EPN1: variants seen among roughly 807,000 people sequenced by gnomAD.
EPN1 encodes the protein epsin-1.
A neutral mutation model predicts 56.9 loss-of-function variants in EPN1; 25 were observed. The observed-to-expected ratio is 0.44, with a 90% confidence interval of 0.32 to 0.61. The LOEUF (loss-of-function observed/expected upper bound fraction) is 0.61, where lower values mean the gene tolerates loss of function less well. Among genes scored for constraint, EPN1 ranks in the 20% least tolerant of loss-of-function variants. The pLI, the probability that EPN1 is intolerant of heterozygous loss-of-function variation, is 0.05. For synonymous variants in EPN1, 411 were observed against 361.8 expected (o/e 1.14, Z -1.54); for missense variants, 785 against 823.7 (o/e 0.95, Z 0.58).
rs1209419332 is a variant in EPN1, at chr19:55,698,271, G to A, written c.*2915G>A. 1.3e-5 allele frequency: 2 copies of A among 152,356 alleles called. No homozygotes were observed. The highest frequency in any genetic ancestry group is 2.9e-5 in the Non-Finnish European group (2 of 68,224). The allele number at this position is 152,356 out of a possible 1,614,324, so 9.4% of individuals were successfully genotyped here. On this transcript the variant is annotated 3_prime_UTR_variant, in exon 11 of 11. Coordinates refer to ENST00000270460, the MANE Select transcript of EPN1 (RefSeq NM_001130072.2). ...GGTGGTGCTCCCGGCTGGCTCTCAG[G>A]AGCAGATGTGCTTCTGACCCGACGT...
In EPN1 at chr19:55,692,788, G is replaced by T; in HGVS notation, c.1169G>T (p.Gly390Val). The T allele has an allele frequency of 6.3e-7, 1 of 1,596,972 alleles. No individual in the cohort carries two copies. The highest frequency in any genetic ancestry group is 8.5e-7 in the Non-Finnish European group (1 of 1,171,310). The change falls in exon 8 of 11, where the codon GGC (glycine) becomes GTC (valine). Residue 390 changes from glycine (G) to valine (V), a missense_variant. By Grantham distance (109) the Gly-to-Val change is moderately radical. Coordinates refer to ENST00000270460, the MANE Select transcript of EPN1 (RefSeq NM_001130072.2). Reference protein sequence around the residue: ...GGSPAKPSTNGTTAAGGFDTE... With the variant: ...GGSPAKPSTNVTTAAGGFDTE... ...TCACCTGCCAAGCCCAGCACCAATG[G>T]CACAACAGGTACTGGAATGGGGGTG...
chr19:55,691,933 G>T lies in EPN1; in HGVS notation c.942G>T (p.Thr314=), dbSNP rs768398238. The T allele has an allele frequency of 6.5e-7, 1 of 1,549,560 alleles. No individual in the cohort carries two copies. The highest frequency in any genetic ancestry group is 1.2e-5 in the South Asian group (1 of 83,920). Residue 314 remains threonine, a synonymous_variant, in exon 7 of 11, where the codon ACG becomes ACT. Coordinates refer to ENST00000270460, the MANE Select transcript of EPN1 (RefSeq NM_001130072.2). This position sits in a 1 kb window ranked among gnomAD's most constrained non-coding sequence, Gnocchi z 5.6. Reference sequence around the variant, plus strand: ...ATCCCTGGGGAGGTCCAGCCCCCACGCCGGCCTCTGGGGACCCCTGGAGGC... The same window carrying T: ...ATCCCTGGGGAGGTCCAGCCCCCACTCCGGCCTCTGGGGACCCCTGGAGGC... ...AADPWGGPAP[T]PASGDPWRPA...
chr19:55,689,430 C>T lies in EPN1; in HGVS notation c.678+59C>T, dbSNP rs1986390484. ...GGGGCTCCCCTCAGACCAGCCCCGTCGCCCCTTCCTAAGTCACCCCCCACC... is the reference window on the plus strand; with the variant it reads ...GGGGCTCCCCTCAGACCAGCCCCGTTGCCCCTTCCTAAGTCACCCCCCACC... On this transcript the variant is annotated intron_variant, in intron 5 of 10. Transcript: ENST00000270460. The surrounding 1 kb of genome is among the most constrained non-coding windows in gnomAD (Gnocchi z 5.7). The T allele has an allele frequency of 1.2e-5, 16 of 1,357,142 alleles. No individual in the cohort carries two copies. Among genetic ancestry groups the T allele is most frequent in the Middle Eastern group, 1.8e-4 (1 of 5,604 alleles). The allele number at this position is 1,357,142 out of a possible 1,614,324, so 84.1% of individuals were successfully genotyped here.
At chr19:55,680,954 G>A (rs573123224) in intron 2 of EPN1, among the ~76,000 whole-genome samples, 1 of 152,370 alleles carries the variant, frequency 6.6e-6, no homozygotes, top group Non-Finnish European at 1.5e-5. Context: ...CCAGGTGGTG[G>A]GTTGTGCAGG....
intron 2 of EPN1, chr19:55,680,686 T>A (rs1985754733): frequency 6.6e-6 from 1 of 152,290 alleles, no homozygotes; most frequent in African/African-American, 2.4e-5. Context: ...AGGGCAGGGG[T>A]CCAGGAGGGG....
rs1880840127 is a variant in EPN1 at position 55,694,426 on chromosome 19, G to T, written c.1265-300G>T. ...CGCTGCCTTCCCCCGCGGGCCTATA[G>T]ACCCTGGACGGCCCCACCCTGAAGC... On this transcript the variant is annotated intron_variant, in intron 9 of 10. Coordinates refer to ENST00000270460, the MANE Select transcript of EPN1 (RefSeq NM_001130072.2). This position sits in a 1 kb window ranked among gnomAD's most constrained non-coding sequence, Gnocchi z 4.2. 1 of 352,826 alleles carries T rather than the reference G, an allele frequency of 2.8e-6. No individual in the cohort carries two copies. The highest frequency in any genetic ancestry group is 5.1e-6 in the Non-Finnish European group (1 of 197,010). 21.9% of individuals were successfully genotyped at this position (352,826 alleles called of 1,614,324 possible).
chr19:55,678,575 C>T lies in EPN1; in HGVS notation c.-53C>T. On this transcript the variant is annotated 5_prime_UTR_variant, in exon 2 of 11. Coordinates refer to ENST00000270460, the MANE Select transcript of EPN1 (RefSeq NM_001130072.2). ...CCGCAGCCTTCGTCCGGGAGTCGCC[C>T]CATCTCTCCACGCATCGGGGCCCTG... is the stretch of plus-strand genomic sequence containing the variant. 1 of 1,564,384 alleles carries T rather than the reference C, an allele frequency of 6.4e-7. No homozygotes were observed. The highest frequency in any genetic ancestry group is 1.9e-5 in the Admixed American group (1 of 52,444).
intron 3 of EPN1, among the ~76,000 whole-genome samples, chr19:55,688,243 G>A (rs115984594): frequency 2.0e-5 from 3 of 152,062 alleles, no homozygotes; most frequent in African/African-American, 7.3e-5. Flanking sequence ...GGTAGGCGGG[G>A]TTGCTGAGAG....
At position 55,701,805 on chromosome 19, in the gene EPN1, C is replaced by T. The variant is rs1987153332; in HGVS notation, c.*6449C>T. The T allele has an allele frequency of 6.6e-6, 1 of 151,970 alleles. No individual in the cohort carries two copies. The highest frequency in any genetic ancestry group is 6.6e-5 in the Admixed American group (1 of 15,260). 9.4% of individuals were successfully genotyped at this position (151,970 alleles called of 1,614,324 possible). ...AAACAGCTCTGTCACAGAGACGGGT[C>T]CCGAACGGGTTGTGAAGTTGTAGAA... On this transcript the variant is annotated 3_prime_UTR_variant, in exon 11 of 11. Transcript: ENST00000270460.
chr19:55,678,577 A>G lies in EPN1; in HGVS notation c.-51A>G, dbSNP rs1242606416. 27 of 1,565,928 alleles carry G rather than the reference A, an allele frequency of 1.7e-5. No homozygotes were observed. The highest frequency in any genetic ancestry group is 2.2e-5 in the Non-Finnish European group (25 of 1,157,938). ...GCAGCCTTCGTCCGGGAGTCGCCCC[A>G]TCTCTCCACGCATCGGGGCCCTGTG... On this transcript the variant is annotated 5_prime_UTR_variant, in exon 2 of 11. Coordinates refer to ENST00000270460, the MANE Select transcript of EPN1 (RefSeq NM_001130072.2).
rs1174687892 is a variant in EPN1, at chr19:55,697,264, A to G, written c.*1908A>G. 6.6e-6 allele frequency: 1 copy of G among 152,160 alleles called. No individual in the cohort carries two copies. Among genetic ancestry groups the G allele is most frequent in the Non-Finnish European group, 1.5e-5 (1 of 68,034 alleles). The allele number at this position is 152,160 out of a possible 1,614,324, so 9.4% of individuals were successfully genotyped here. ...CCACAGGGCACAGAGAGCCAGCTGAAGGCGGCAGCTCTGGGTGGGATCACA... is the reference window on the plus strand; with the variant it reads ...CCACAGGGCACAGAGAGCCAGCTGAGGGCGGCAGCTCTGGGTGGGATCACA... On this transcript the variant is annotated 3_prime_UTR_variant, in exon 11 of 11. Coordinates refer to ENST00000270460, the MANE Select transcript of EPN1 (RefSeq NM_001130072.2).
intron 7 of EPN1, 55 bp from the exon 8 acceptor site, chr19:55,692,631 A>G: frequency 8.3e-7 from 1 of 1,208,084 alleles, no homozygotes; most frequent in Non-Finnish European, 1.1e-6. Flanking sequence ...GGTCCTCCCT[A>G]GCCATCTGGG....
intron 2 of EPN1, among the ~76,000 whole-genome samples, chr19:55,684,024 T>C (rs1235574124): frequency 6.6e-6 from 1 of 152,220 alleles, no homozygotes; most frequent in African/African-American, 2.4e-5. Context: ...TGGGACTGCC[T>C]CTTGGCTTGG....
At chr19:55,677,872 C>T (rs1218111848) in intron 1 of EPN1, 3 of 1,207,426 alleles carry the variant, frequency 2.5e-6, no homozygotes, top group Admixed American at 3.4e-5. Context: ...CCACTTCCTC[C>T]TTGCATGGTT....
intron 1 of EPN1, chr19:55,677,639 G>A: frequency 6.4e-7 from 1 of 1,551,590 alleles, no homozygotes; most frequent in Non-Finnish European, 8.7e-7. Flanking sequence ...CCAGGCAGTG[G>A]GGCTGTTAGG....
chr19:55,687,212 C>G (rs1039873523), intron 3 of EPN1, among the ~76,000 whole-genome samples: 1 of 152,124 alleles, frequency 6.6e-6, no homozygotes, highest in Non-Finnish European at 1.5e-5. Flanking sequence ...CTTTCTTAGA[C>G]CTTCTCAGGC....
chr19:55,698,130 C>T lies in EPN1; in HGVS notation c.*2774C>T, dbSNP rs1011191320. 1 of 18,136 alleles carries T rather than the reference C, an allele frequency of 5.5e-5. No individual in the cohort carries two copies. 1.1% of individuals were successfully genotyped at this position (18,136 alleles called of 1,614,324 possible). On this transcript the variant is annotated 3_prime_UTR_variant, in exon 11 of 11. Transcript: ENST00000270460. ...AGAAGCCTATCAGATGTGAGGGTGG[C>T]GGGGGTTGGGGGGGATGGCGGCGGG...
At chr19:55,693,595 C>T (rs569848334) in intron 9 of EPN1, among the ~76,000 whole-genome samples, 73 of 152,296 alleles carry the variant, frequency 4.8e-4, no homozygotes, top group Non-Finnish European at 1.0e-4. Context: ...CAGGAGTGCC[C>T]GAGGTCATAG....
chr19:55,694,548 C>G lies in EPN1; in HGVS notation c.1265-178C>G. ...CAGACCCACCTTATGGGAATCTGGGCTGACGTGAGGTTTTGGCCTGGGCAA... is the reference window on the plus strand; with the variant it reads ...CAGACCCACCTTATGGGAATCTGGGGTGACGTGAGGTTTTGGCCTGGGCAA... On this transcript the variant is annotated intron_variant, in intron 9 of 10. Coordinates refer to ENST00000270460, the MANE Select transcript of EPN1 (RefSeq NM_001130072.2). This position sits in a 1 kb window ranked among gnomAD's most constrained non-coding sequence, Gnocchi z 4.2. The G allele has an allele frequency of 4.7e-6, 3 of 640,100 alleles. No homozygotes were observed. The Admixed American group carries it at 1.1e-4, about 23-fold the overall frequency. The allele number at this position is 640,100 out of a possible 1,614,324, so 39.7% of individuals were successfully genotyped here.
Sources: gnomAD v4.1 joint callset for allele counts (sites outside exome capture counted in the v4.1 genomes callset) on GRCh38, gnomAD v4.1.1 for gene constraint, Gnocchi (gnomAD v3.1) non-coding constraint, MANE v1.5 for transcripts, NCBI Gene and HGNC (gene_info 2026-07-23, HGNC 2026-07-21) for gene names.